Variants in RFX3 observed in about 807,000 individuals in gnomAD.
RFX3 encodes the protein transcription factor RFX3.
RFX3 carries 14 observed loss-of-function variants against 98.6 expected under a neutral mutation model. That is an observed-to-expected ratio of 0.14 (90% CI 0.09 to 0.22). The LOEUF (loss-of-function observed/expected upper bound fraction) is 0.22. Among genes scored for constraint, RFX3 ranks in the 10% least tolerant of loss-of-function variants. The pLI is 1.00. For synonymous variants in RFX3, 383 were observed against 328.4 expected (o/e 1.17, Z -1.80); for missense variants, 639 against 926.9 (o/e 0.69, Z 4.03).
At chr9:3,435,366 G>A (rs751539952) in intron 1 of RFX3, among the ~76,000 whole-genome samples, 20 of 146,392 alleles carry the variant, frequency 1.4e-4, no homozygotes, top group African/African-American at 3.2e-4. Flanking sequence ...TCCTTATTCC[G>A]TAATCTTTTT....
chr9:3,508,204 A>C (rs976711621), intron 1 of RFX3, among the ~76,000 whole-genome samples: 4 of 152,066 alleles, frequency 2.6e-5, no homozygotes, highest in African/African-American at 9.6e-5. Flanking sequence ...TCCATATTTG[A>C]GTTTCCTTCT....
Position 3,269,740 on chromosome 9 carries a change from T to G in RFX3, c.1357+631A>C, listed in dbSNP as rs372504672. ...ATGCTTGTGTAGTTACAAAGATTTT[T>G]CTCTCAAAATGCCAGTTAACCATTA... On this transcript the variant is annotated intron_variant, in intron 11 of 16. Transcript: ENST00000617270. Among the ~76,000 whole-genome samples, 8 of 152,304 alleles carry G rather than the reference T, an allele frequency of 5.3e-5. No individual in the cohort carries two copies. The East Asian group carries it at 1.3e-3, about 26-fold the overall frequency.
At chr9:3,307,769 A>C (rs143529745) in intron 4 of RFX3, among the ~76,000 whole-genome samples, 1 of 152,330 alleles carries the variant, frequency 6.6e-6, no homozygotes, top group African/African-American at 2.4e-5. Flanking sequence ...TTGAAATTTC[A>C]ACTGTAGTGC....
chr9:3,300,884 C>T (rs1273807411), intron 5 of RFX3, among the ~76,000 whole-genome samples: 2 of 151,742 alleles, frequency 1.3e-5, no homozygotes, highest in Non-Finnish European at 2.9e-5. Context: ...TTACACTTAC[C>T]AGTGTCATAG....
intron 1 of RFX3, chr9:3,524,587 C>T (rs1256381184): frequency 1.0e-6 from 1 of 977,998 alleles, no homozygotes; most frequent in African/African-American, 1.8e-5. Context: ...AGTACCATAA[C>T]TGTCACAAAT....
chr9:3,356,583 G>A (rs1243887602), intron 2 of RFX3, among the ~76,000 whole-genome samples: 1 of 151,724 alleles, frequency 6.6e-6, no homozygotes. Flanking sequence ...TAACACAAAT[G>A]TTTTAAAAAA....
chr9:3,221,624 G>A lies in RFX3; in HGVS notation c.*3418C>T, dbSNP rs1350865342. ...CAAACACAGTTTGGATGAAAATCCT[G>A]AATAAGTGACTAGCAACTTGATAGC... On this transcript the variant is annotated 3_prime_UTR_variant, in exon 17 of 17. Transcript: ENST00000617270. 6.6e-6 allele frequency: 1 copy of A among 152,080 alleles called. No homozygotes were observed. The highest frequency in any genetic ancestry group is 1.5e-5 in the Non-Finnish European group (1 of 67,992). The allele number at this position is 152,080 out of a possible 1,614,324, so 9.4% of individuals were successfully genotyped here.
intron 3 of RFX3, among the ~76,000 whole-genome samples, chr9:3,337,263 G>A (rs1833298972): frequency 6.6e-6 from 1 of 152,202 alleles, no homozygotes; most frequent in Non-Finnish European, 1.5e-5. Flanking sequence ...GATCTTATTG[G>A]AAGCTTGCTC....
chr9:3,370,203 T>C (rs993721724), intron 2 of RFX3, among the ~76,000 whole-genome samples: 1 of 150,062 alleles, frequency 6.7e-6, no homozygotes. Flanking sequence ...AAAAAAAAAA[T>C]TAAATGATCC....
intron 15 of RFX3, among the ~76,000 whole-genome samples, chr9:3,239,075 A>C (rs1346099414): frequency 6.6e-6 from 1 of 152,000 alleles, no homozygotes; most frequent in Non-Finnish European, 1.5e-5. Flanking sequence ...GATGTTTTTG[A>C]TGGTGAAAAG....
At chr9:3,340,122 T>C (rs1833696905) in intron 3 of RFX3, among the ~76,000 whole-genome samples, 1 of 152,188 alleles carries the variant, frequency 6.6e-6, no homozygotes, top group Admixed American at 6.5e-5. Context: ...ATCTGATCTT[T>C]GACAAACCTG....
chr9:3,424,916 T>G (rs535532750), intron 1 of RFX3, among the ~76,000 whole-genome samples: 7 of 152,100 alleles, frequency 4.6e-5, no homozygotes, highest in Admixed American at 4.6e-4. Flanking sequence ...TTTTAGAGAG[T>G]AGGATGCCTT....
At chr9:3,491,194 T>C (rs565512923) in intron 1 of RFX3, among the ~76,000 whole-genome samples, 2 of 152,260 alleles carry the variant, frequency 1.3e-5, no homozygotes, top group African/African-American at 4.8e-5. Context: ...GGCAACAGTC[T>C]AAATACACAT....
At chr9:3,348,349 T>A (rs937604244) in intron 2 of RFX3, among the ~76,000 whole-genome samples, 1 of 152,142 alleles carries the variant, frequency 6.6e-6, no homozygotes. Context: ...TCTGCAATGT[T>A]AAGTTTCACT....
chr9:3,251,656 T>C (rs1821417799), intron 14 of RFX3, among the ~76,000 whole-genome samples: 1 of 151,868 alleles, frequency 6.6e-6, no homozygotes, highest in African/African-American at 2.4e-5. Flanking sequence ...CATTTTCTAA[T>C]GTGAGCATAT....
chr9:3,509,751 TA>T (rs1208834358), intron 1 of RFX3, among the ~76,000 whole-genome samples: 1 of 151,998 alleles, frequency 6.6e-6, no homozygotes, highest in Non-Finnish European at 1.5e-5. Flanking sequence ...AAATTATAGA[TA>T]AACAGTTACT....
intron 1 of RFX3, among the ~76,000 whole-genome samples, chr9:3,504,248 T>C (rs943035089): frequency 3.0e-5 from 4 of 132,000 alleles, no homozygotes; most frequent in Middle Eastern, 3.9e-3. Context: ...TATATATATA[T>C]TTTATATATA....
intron 4 of RFX3, among the ~76,000 whole-genome samples, chr9:3,308,859 C>A (rs938659632): frequency 6.6e-6 from 1 of 152,176 alleles, no homozygotes; most frequent in East Asian, 1.9e-4. Flanking sequence ...CAGAGAGGAA[C>A]TGGAGAATTA....
At chr9:3,461,418 T>C (rs1167452808) in intron 1 of RFX3, among the ~76,000 whole-genome samples, 1 of 151,934 alleles carries the variant, frequency 6.6e-6, no homozygotes, top group African/African-American at 2.4e-5. Context: ...CAGCAACATG[T>C]AAAAAGTCAT....
Sources: allele counts gnomAD v4.1 joint callset (sites outside exome capture counted in the v4.1 genomes callset), GRCh38; gene constraint gnomAD v4.1.1; transcripts MANE v1.5; gene names NCBI Gene and HGNC (gene_info 2026-07-23, HGNC 2026-07-21).